The following MARCHF1 variants were observed in gnomAD, a reference collection of about 807,000 sequenced individuals.
MARCHF1 encodes the protein membrane associated ring-CH-type finger 1, also known as E3 ubiquitin-protein ligase MARCHF1.
Under a neutral mutation model 54.2 loss-of-function variants are expected in MARCHF1, and 40 were observed. The ratio of observed to expected loss-of-function variants is 0.74; its 90% CI spans 0.57 to 0.96. The LOEUF (loss-of-function observed/expected upper bound fraction) is 0.96, where lower values mean the gene tolerates loss of function less well. Ranked by LOEUF, MARCHF1 falls within the 40% of genes least tolerant of loss-of-function variation. The probability of loss-of-function intolerance (pLI) is 0.00; values close to 1 mark genes in which losing one functional copy is unlikely to be tolerated. For missense variants in MARCHF1, 586 were observed against 656.5 expected (o/e 0.89, Z 1.17); for synonymous variants, 236 against 236.3 (o/e 1.00, Z 0.01).
At chr4:164,240,618 A>G (rs1049669917) in intron 1 of MARCHF1, among the ~76,000 whole-genome samples, 1 of 152,066 alleles carries the variant, frequency 6.6e-6, no homozygotes, top group African/African-American at 2.4e-5. Flanking sequence ...CACCAACTGA[A>G]ACTGCCTTTG....
chr4:164,312,293 A>C (rs1734871191), intron 1 of MARCHF1, among the ~76,000 whole-genome samples: 3 of 151,460 alleles, frequency 2.0e-5, no homozygotes, highest in Admixed American at 2.0e-4. Context: ...AAAGCAAATG[A>C]AGCACCTGTG....
chr4:163,838,843 GTTA>G (rs1749262471), intron 4 of MARCHF1, among the ~76,000 whole-genome samples: 1 of 151,890 alleles, frequency 6.6e-6, no homozygotes, highest in African/African-American at 2.4e-5. Context: ...CTTTGGTTAG[GTTA>G]TTATTTCTTA....
At chr4:164,189,157 C>T (rs181804879) in intron 1 of MARCHF1, 100 of 587,130 alleles carry the variant, frequency 1.7e-4, no homozygotes, top group African/African-American at 1.6e-3. Flanking sequence ...CTATGACTAG[C>T]GTGTCATGGA....
chr4:163,920,121 G>T (rs1751392343), intron 3 of MARCHF1, among the ~76,000 whole-genome samples: 1 of 152,128 alleles, frequency 6.6e-6, no homozygotes, highest in African/African-American at 2.4e-5. Flanking sequence ...ATTTGACTCA[G>T]AAATGATATT....
rs369427896 is a variant in MARCHF1, at chr4:164,221,464, TA to T, written c.-322-109803del. Among the ~76,000 whole-genome samples, 288 of 152,112 alleles carry T rather than the reference TA, an allele frequency of 1.9e-3. 4 individuals are homozygous for T. The Middle Eastern group carries it at 0.024, about 13-fold the overall frequency. Reference sequence around the variant, plus strand: ...AGAAAGAGTAGAAAATAAAATTCATTAAAAAATTAACGAATTCCCTACATCC... The same window carrying T: ...AGAAAGAGTAGAAAATAAAATTCATTAAAAATTAACGAATTCCCTACATCC... On this transcript the variant is annotated intron_variant, in intron 1 of 9. Coordinates refer to ENST00000514618, the MANE Select transcript of MARCHF1 (RefSeq NM_001394959.1).
chr4:164,118,678 T>C (rs947698433), intron 1 of MARCHF1, among the ~76,000 whole-genome samples: 2 of 151,248 alleles, frequency 1.3e-5, no homozygotes, highest in Non-Finnish European at 3.0e-5. Flanking sequence ...CTAAACAATA[T>C]TGATTAAGAA....
In MARCHF1 at chr4:163,675,859, T is replaced by G. The variant is rs116338486; in HGVS notation, c.162+24954A>C. Among the ~76,000 whole-genome samples, 1,416 of 152,268 alleles carry G rather than the reference T, an allele frequency of 9.3e-3. 16 individuals are homozygous for G. The highest frequency in any genetic ancestry group is 0.033 in the African/African-American group (1,355 of 41,550). On this transcript the variant is annotated intron_variant, in intron 5 of 9. Transcript: ENST00000514618. ...CCATGTTTAGTGCCTTTGTAAGGAA[T>G]AAACACATTTTTCTTTAAAATATCT...
chr4:163,895,762 G>A (rs1750792429), intron 3 of MARCHF1, among the ~76,000 whole-genome samples: 1 of 152,132 alleles, frequency 6.6e-6, no homozygotes, highest in Non-Finnish European at 1.5e-5. Flanking sequence ...GGCTTTAATT[G>A]TCTACCTTGC....
At chr4:164,144,932 A>G (rs1490788978) in intron 1 of MARCHF1, among the ~76,000 whole-genome samples, 1 of 130,822 alleles carries the variant, frequency 7.6e-6, no homozygotes, top group South Asian at 2.5e-4. Context: ...TAGCAAGACT[A>G]ATAAAGAAAA....
Position 164,306,840 on chromosome 4 carries a change from T to C in MARCHF1, c.-323+77030A>G, listed in dbSNP as rs1363964173. Among the ~76,000 whole-genome samples, 3 of 152,146 alleles carry C rather than the reference T, an allele frequency of 2.0e-5. No homozygotes were observed. In the East Asian group the frequency reaches 5.8e-4, roughly 29 times the overall value. On this transcript the variant is annotated intron_variant, in intron 1 of 9. Transcript: ENST00000514618. ...AGCCTCTTATACAAAAGATATTAAT[T>C]AAAAGGTAGATATTCAACATGCCAT...
chr4:163,929,980 TA>T (rs1560823855), intron 3 of MARCHF1, among the ~76,000 whole-genome samples: 1 of 130,502 alleles, frequency 7.7e-6, no homozygotes, highest in African/African-American at 2.9e-5. Flanking sequence ...ATAATATATA[TA>T]ATATATATAT....
intron 1 of MARCHF1, among the ~76,000 whole-genome samples, chr4:164,325,835 GATACC>G (rs1222834661): frequency 3.3e-5 from 5 of 152,126 alleles, no homozygotes; most frequent in African/African-American, 1.2e-4. Flanking sequence ...ATATGGCAAA[GATACC>G]ATACATGAAA....
intron 1 of MARCHF1, among the ~76,000 whole-genome samples, chr4:164,204,054 C>T (rs1375381196): frequency 6.6e-6 from 1 of 151,998 alleles, no homozygotes; most frequent in African/African-American, 2.4e-5. Flanking sequence ...GTACCCAGTC[C>T]CTCTATTAGA....
intron 5 of MARCHF1, among the ~76,000 whole-genome samples, chr4:163,662,709 G>A (rs1050597480): frequency 6.6e-6 from 1 of 151,874 alleles, no homozygotes; most frequent in African/African-American, 2.4e-5. Context: ...GCTAGTGGTG[G>A]CTTTCCCTCT....
chr4:163,852,070 G>A (rs1749656708), intron 4 of MARCHF1, among the ~76,000 whole-genome samples: 1 of 152,088 alleles, frequency 6.6e-6, no homozygotes, highest in African/African-American at 2.4e-5. Context: ...TTGGTAACTT[G>A]ATATCTTTTT....
chr4:163,932,220 A>G (rs954248475), intron 3 of MARCHF1, among the ~76,000 whole-genome samples: 11 of 152,102 alleles, frequency 7.2e-5, no homozygotes, highest in Admixed American at 7.2e-4. Flanking sequence ...ACTGACCATG[A>G]TGGTGTTTGC....
At chr4:164,312,021 C>A (rs1734861826) in intron 1 of MARCHF1, among the ~76,000 whole-genome samples, 1 of 152,152 alleles carries the variant, frequency 6.6e-6, no homozygotes, top group Non-Finnish European at 1.5e-5. Flanking sequence ...ACTGATAATT[C>A]TCTATGCATG....
At chr4:163,675,414 CAG>C (rs1055317634) in intron 5 of MARCHF1, among the ~76,000 whole-genome samples, 13 of 152,254 alleles carry the variant, frequency 8.5e-5, no homozygotes, top group African/African-American at 2.9e-4. Context: ...CTACAAATAT[CAG>C]GGGAACGTGG....
chr4:163,841,271 CTT>C (rs1306168987), intron 4 of MARCHF1, among the ~76,000 whole-genome samples: 1 of 151,918 alleles, frequency 6.6e-6, no homozygotes, highest in Non-Finnish European at 1.5e-5. Flanking sequence ...AAACAATAGA[CTT>C]TGAGTGATTA....
Sources: allele counts gnomAD v4.1 joint callset (sites outside exome capture counted in the v4.1 genomes callset), GRCh38; gene constraint gnomAD v4.1.1; transcripts MANE v1.5; gene names NCBI Gene and HGNC (gene_info 2026-07-23, HGNC 2026-07-21).